The following PTPN23 variants were observed in gnomAD, a reference collection of about 807,000 sequenced individuals.
PTPN23 encodes the protein tyrosine-protein phosphatase non-receptor type 23.
PTPN23 carries 72 observed loss-of-function variants against 156.3 expected under a neutral mutation model. That is an observed-to-expected ratio of 0.46 (90% confidence interval 0.38 to 0.56). PTPN23 has a LOEUF of 0.56. PTPN23 is among the 20% of genes least tolerant of loss of function. The probability of loss-of-function intolerance (pLI) is 0.00; values close to 1 mark genes in which losing one functional copy is unlikely to be tolerated. For missense variants in PTPN23, 1,974 were observed against 2,171.5 expected (o/e 0.91, Z 1.81); for synonymous variants, 957 against 899.6 (o/e 1.06, Z -1.14).
chr3:47,410,518 C>A lies in PTPN23; in HGVS notation c.2720C>A (p.Pro907Gln), dbSNP rs149516203. ...CCAAACCCCACCCCTGCTCCTCCCC[C>A]GCCCTGCTTCCCTGTGCCCCCACCG... is the stretch of plus-strand genomic sequence containing the variant. Reference protein sequence around the residue: ...PRPNPTPAPPPPCFPVPPPQP... With the variant: ...PRPNPTPAPPQPCFPVPPPQP... The change falls in exon 20 of 25, where the codon CCG (proline) becomes CAG (glutamine). Residue 907 changes from proline to glutamine, a missense_variant. Physicochemically the swap from Pro to Gln is moderately conservative, Grantham distance 76 (BLOSUM62 -1). This residue lies in a region of PTPN23 where 731 missense variants were observed against 669.1 expected (regional missense o/e 1.09). Transcript: ENST00000265562. 2.5e-6 allele frequency: 4 copies of A among 1,609,716 alleles called. No individual in the cohort carries two copies. The highest frequency in any genetic ancestry group is 3.4e-6 in the Non-Finnish European group (4 of 1,178,206).
At chr3:47,401,876 A>G (rs994806124) in intron 2 of PTPN23, among the ~76,000 whole-genome samples, 1 of 152,218 alleles carries the variant, frequency 6.6e-6, no homozygotes, top group Non-Finnish European at 1.5e-5. Flanking sequence ...GAAGTGGTGT[A>G]GAGTACAACT....
rs751716124 is a variant in PTPN23 at position 47,410,300 on chromosome 3, G to A, written c.2502G>A (p.Val834=). The part of the protein sequence containing the change: ...APAYTPELGL[V]PRSSPQHGVV... Reference sequence around the variant, plus strand: ...CCTACACACCGGAGCTGGGCCTTGTGCCCCGATCCTCCCCACAGCATGGCG... The same window carrying A: ...CCTACACACCGGAGCTGGGCCTTGTACCCCGATCCTCCCCACAGCATGGCG... Residue 834 remains valine (V), a synonymous_variant, in exon 20 of 25, where the codon GTG becomes GTA. Coordinates refer to ENST00000265562, the MANE Select transcript of PTPN23 (RefSeq NM_015466.4). The A allele has an allele frequency of 1.1e-5, 18 of 1,604,876 alleles. No individual in the cohort carries two copies. The highest frequency in any genetic ancestry group is 1.7e-4 in the Middle Eastern group (1 of 6,036).
In PTPN23 at chr3:47,406,708, C is replaced by T; in HGVS notation, c.765C>T (p.His255=). Residue 255 remains histidine (H), a synonymous_variant, in exon 9 of 25, where the codon CAC becomes CAT. Transcript: ENST00000265562. This position sits in a 1 kb window ranked among gnomAD's most constrained non-coding sequence, Gnocchi z 5.8. Reference sequence around the variant, plus strand: ...CGTCTCTTCTTCTTTCCCAGCTGCACATGGGAAAGCAGGCCGAGGAGCAGC... The same window carrying T: ...CGTCTCTTCTTCTTTCCCAGCTGCATATGGGAAAGCAGGCCGAGGAGCAGC... ...IYYFAAVAHL[H]MGKQAEEQQK... 6.2e-7 allele frequency: 1 copy of T among 1,613,968 alleles called. No individual in the cohort carries two copies. Among genetic ancestry groups the T allele is most frequent in the East Asian group, 2.2e-5 (1 of 44,876 alleles).
rs777391092 is a variant in PTPN23 at position 47,411,032 on chromosome 3, C to T, written c.3234C>T (p.Ser1078=). ...TIRGPSSAGQ[S]TPSPHLVPSP... is the part of the protein sequence containing the mutation. ...GAGGGCCCTCGTCTGCTGGCCAGTC[C>T]ACCCCTAGTCCCCACCTGGTGCCTT... The change falls in exon 20 of 25, where the codon TCC becomes TCT. Residue 1078 remains serine, a synonymous_variant. Transcript: ENST00000265562. The surrounding 1 kb of genome is among the most constrained non-coding windows in gnomAD (Gnocchi z 6.3). The T allele has an allele frequency of 3.1e-6, 5 of 1,589,414 alleles. No homozygotes were observed. In the African/African-American group the frequency reaches 6.7e-5, roughly 21 times the overall value.
At chr3:47,391,973 ACTC>A (rs1704783218) in intron 1 of PTPN23, among the ~76,000 whole-genome samples, 1 of 151,964 alleles carries the variant, frequency 6.6e-6, no homozygotes, top group African/African-American at 2.4e-5. Context: ...GCAACCTTGA[ACTC>A]CTGGTGTCAA....
chr3:47,404,515 C>T, intron 2 of PTPN23, 137 bp from the exon 3 acceptor site: 1 of 1,133,882 alleles, frequency 8.8e-7, no homozygotes, highest in Non-Finnish European at 1.3e-6. Context: ...ATAGGTATAG[C>T]CATGGACTTT....
Position 47,411,942 on chromosome 3 carries a change from C to T in PTPN23, c.4048C>T (p.Leu1350=), listed in dbSNP as rs780101336. 97 of 1,612,306 alleles carry T rather than the reference C, an allele frequency of 6.0e-5. No individual in the cohort carries two copies. Among genetic ancestry groups the T allele is most frequent in the Middle Eastern group, 4.9e-4 (3 of 6,078 alleles). ...GAGCCTCAAGCGCTCTCTTGTGCAC[C>T]TGCACTTCCCCACTTGGCCTGAGTT... ...DQSLKRSLVH[L]HFPTWPELGL... Residue 1350 remains leucine, a synonymous_variant, in exon 21 of 25, where the codon CTG becomes TTG. Transcript: ENST00000265562. This position sits in a 1 kb window ranked among gnomAD's most constrained non-coding sequence, Gnocchi z 6.3.
At position 47,406,080 on chromosome 3, in the gene PTPN23, TCCAGGGAAGGGGATGG is replaced by T. The variant is rs1345098244; in HGVS notation, c.546+42_546+57del. On this transcript the variant is annotated intron_variant, in intron 6 of 24. Transcript: ENST00000265562. The surrounding 1 kb of genome is among the most constrained non-coding windows in gnomAD (Gnocchi z 5.8). Reference sequence around the variant, plus strand: ...GCGCCCTGGTTGGAGTGGAGTTGAATCCAGGGAAGGGGATGGCCAGGGAGGGGGCAGTTGGGCCTGG... The same window carrying T: ...GCGCCCTGGTTGGAGTGGAGTTGAATCCAGGGAGGGGGCAGTTGGGCCTGG... 1 of 1,605,778 alleles carries T rather than the reference TCCAGGGAAGGGGATGG, an allele frequency of 6.2e-7. No individual in the cohort carries two copies. The highest frequency in any genetic ancestry group is 1.1e-5 in the South Asian group (1 of 89,840).
At position 47,411,259 on chromosome 3, in the gene PTPN23, C is replaced by T. The variant is rs754227674; in HGVS notation, c.3461C>T (p.Pro1154Leu). 2.7e-5 allele frequency: 43 copies of T among 1,609,740 alleles called. 1 individual carries two copies. Among genetic ancestry groups the T allele is most frequent in the South Asian group, 2.2e-4 (20 of 91,066 alleles). ...TKVDAAEGRR[P>L]QALRLIERDP... ...GTGGATGCAGCTGAGGGTCGTCGGC[C>T]GCAGGCCCTGCGGCTGATTGAGCGG... is the stretch of plus-strand genomic sequence containing the variant. Residue 1154 changes from proline to leucine, a missense_variant, in exon 20 of 25, where the codon CCG becomes CTG. Pro to Leu is a moderately conservative substitution (Grantham distance 98, BLOSUM62 -3). This residue lies in a region of PTPN23 where 731 missense variants were observed against 669.1 expected (regional missense o/e 1.09). Coordinates refer to ENST00000265562, the MANE Select transcript of PTPN23 (RefSeq NM_015466.4). This position sits in a 1 kb window ranked among gnomAD's most constrained non-coding sequence, Gnocchi z 6.3.
rs1705294255 is a variant in PTPN23, at chr3:47,411,670, A to T, written c.3872A>T (p.Glu1291Val). 6.2e-7 allele frequency: 1 copy of T among 1,603,712 alleles called. No individual in the cohort carries two copies. The highest frequency in any genetic ancestry group is 1.1e-5 in the South Asian group (1 of 90,852). Reference protein sequence around the residue: ...KVSVIVMLVSEAEMEKQKVAR... With the variant: ...KVSVIVMLVSVAEMEKQKVAR... Reference sequence around the variant, plus strand: ...TCAGTCATTGTCATGCTGGTTTCTGAGGCTGAGATGGAGAAGGTGAGAAGA... The same window carrying T: ...TCAGTCATTGTCATGCTGGTTTCTGTGGCTGAGATGGAGAAGGTGAGAAGA... Residue 1291 changes from glutamate (E) to valine (V), a missense_variant, in exon 20 of 25, where the codon GAG becomes GTG. Coordinates refer to ENST00000265562, the MANE Select transcript of PTPN23 (RefSeq NM_015466.4). This position sits in a 1 kb window ranked among gnomAD's most constrained non-coding sequence, Gnocchi z 6.3.
At position 47,409,498 on chromosome 3, in the gene PTPN23, C is replaced by T. The variant is rs753699310; in HGVS notation, c.1879C>T (p.Leu627Phe). 6.2e-7 allele frequency: 1 copy of T among 1,614,036 alleles called. No homozygotes were observed. The highest frequency in any genetic ancestry group is 2.2e-5 in the East Asian group (1 of 44,898). ...GAACCTGGCCGCCCAGGACCGTGTCCTCTGTGCACTGACAGAGGCCAACGT... is the reference window on the plus strand; with the variant it reads ...GAACCTGGCCGCCCAGGACCGTGTCTTCTGTGCACTGACAGAGGCCAACGT... Reference protein sequence around the residue: ...EQNLAAQDRVLCALTEANVQY... With the variant: ...EQNLAAQDRVFCALTEANVQY... The change falls in exon 18 of 25, where the codon CTC becomes TTC. Residue 627 changes from leucine (L) to phenylalanine (F), a missense_variant. Leu to Phe is a conservative substitution (Grantham distance 22). Transcript: ENST00000265562.
Position 47,381,051 on chromosome 3 carries a change from G to T in PTPN23, c.-46G>T. ...TGGGCTCGTGGCTGAGCCAGCAGCTGCAGCAGCTACGGGAGTGGCCGGGTG... is the reference window on the plus strand; with the variant it reads ...TGGGCTCGTGGCTGAGCCAGCAGCTTCAGCAGCTACGGGAGTGGCCGGGTG... On this transcript the variant is annotated 5_prime_UTR_variant, in exon 1 of 25. Transcript: ENST00000265562. The T allele has an allele frequency of 6.4e-7, 1 of 1,551,470 alleles. No individual in the cohort carries two copies. Among genetic ancestry groups the T allele is most frequent in the Non-Finnish European group, 8.7e-7 (1 of 1,147,566 alleles).
intron 1 of PTPN23, among the ~76,000 whole-genome samples, chr3:47,395,258 C>G (rs944350922): frequency 2.0e-5 from 3 of 152,216 alleles, no homozygotes; most frequent in Non-Finnish European, 1.5e-5. Flanking sequence ...TTCTCAGCCA[C>G]CTCTCTCTAC....
rs1284331119 is a variant in PTPN23 at position 47,413,212 on chromosome 3, A to G, written c.*27A>G. The G allele has an allele frequency of 2.5e-6, 4 of 1,585,596 alleles. No individual in the cohort carries two copies. In the East Asian group the frequency reaches 6.7e-5, roughly 27 times the overall value. ...CAGGTTTTGCCTACCTGGTCCTTAC[A>G]CTACATCATCATCATCTCATGCCCA... On this transcript the variant is annotated 3_prime_UTR_variant, in exon 25 of 25. Coordinates refer to ENST00000265562, the MANE Select transcript of PTPN23 (RefSeq NM_015466.4).
rs2107715387 is a variant in PTPN23, at chr3:47,406,573, T to C, written c.720T>C (p.Leu240=). Residue 240 remains leucine (L), a synonymous_variant, in exon 8 of 25, where the codon CTT becomes CTC. Transcript: ENST00000265562. The surrounding 1 kb of genome is among the most constrained non-coding windows in gnomAD (Gnocchi z 5.8). The part of the protein sequence containing the change: ...LGRIQKDWKK[L]VQMKIYYFAA... ...GGATCCAGAAGGACTGGAAGAAACT[T>C]GTGCAGATGAAGATCTACTACTTCG... The C allele has an allele frequency of 2.5e-6, 4 of 1,613,830 alleles. No individual in the cohort carries two copies. The highest frequency in any genetic ancestry group is 3.4e-6 in the Non-Finnish European group (4 of 1,179,980).
intron 14 of PTPN23, 126 bp downstream of exon 14, chr3:47,408,081 C>T: frequency 8.1e-7 from 1 of 1,234,946 alleles, no homozygotes. Flanking sequence ...CCAATGCTGC[C>T]TTCCCGCCTG....
Position 47,407,370 on chromosome 3 carries a change from G to A in PTPN23, c.923+3G>A, listed in dbSNP as rs995358902. On this transcript the variant is annotated splice_donor_region_variant and intron_variant, in intron 11 of 24. Coordinates refer to ENST00000265562, the MANE Select transcript of PTPN23 (RefSeq NM_015466.4). This position sits in a 1 kb window ranked among gnomAD's most constrained non-coding sequence, Gnocchi z 4.0. ...ACTATGGATGTCATTGGGGGAAAGT[G>A]AGTCTGTGGGGGTGGCCCTGGTTCC... 6.2e-7 allele frequency: 1 copy of A among 1,613,814 alleles called. No homozygotes were observed. The highest frequency in any genetic ancestry group is 1.3e-5 in the African/African-American group (1 of 74,894).
intron 1 of PTPN23, among the ~76,000 whole-genome samples, chr3:47,387,522 G>T (rs1704680408): frequency 6.6e-6 from 1 of 151,442 alleles, no homozygotes; most frequent in South Asian, 2.1e-4. Context: ...CGAGGCTGTG[G>T]TGAACCAAGA....
Position 47,412,496 on chromosome 3 carries a change from C to G in PTPN23, c.4318-18C>G, listed in dbSNP as rs749701641. 3 of 1,612,154 alleles carry G rather than the reference C, an allele frequency of 1.9e-6. No individual in the cohort carries two copies. The highest frequency in any genetic ancestry group is 3.3e-5 in the Admixed American group (2 of 59,974). On this transcript the variant is annotated intron_variant, in intron 23 of 24. Coordinates refer to ENST00000265562, the MANE Select transcript of PTPN23 (RefSeq NM_015466.4). ...ACGGGCCCCTGCCCAGCTGACCTGGCCAAATGCACCTGTGCAGCTGCACCT... is the reference window on the plus strand; with the variant it reads ...ACGGGCCCCTGCCCAGCTGACCTGGGCAAATGCACCTGTGCAGCTGCACCT...
Sources: gnomAD v4.1 joint callset for allele counts (sites outside exome capture counted in the v4.1 genomes callset) on GRCh38, gnomAD v4.1.1 for gene constraint, gnomAD v4.1.1 regional missense constraint, Gnocchi (gnomAD v3.1) non-coding constraint, MANE v1.5 for transcripts, NCBI Gene and HGNC (gene_info 2026-07-23, HGNC 2026-07-21) for gene names.